The following RNF220 variants were observed in gnomAD, a reference collection of about 807,000 sequenced individuals.
RNF220 encodes the protein ring finger protein 220.
Under a neutral mutation model 67.1 loss-of-function variants are expected in RNF220, and 7 were observed. The ratio of observed to expected loss-of-function variants is 0.10; its 90% confidence interval spans 0.06 to 0.20. RNF220 has a LOEUF of 0.20. Ranked by LOEUF, RNF220 falls within the 10% of genes least tolerant of loss-of-function variation. RNF220 has a pLI of 1.00. For missense variants in RNF220, 565 were observed against 740.3 expected (o/e 0.76, Z 2.75); for synonymous variants, 270 against 283.2 (o/e 0.95, Z 0.47).
At chr1:44,415,867 TC>T (rs1441984675) in intron 2 of RNF220, among the ~76,000 whole-genome samples, 1 of 152,232 alleles carries the variant, frequency 6.6e-6, no homozygotes, top group Admixed American at 6.5e-5. Flanking sequence ...TGCAGATATG[TC>T]CACTTGTGAG....
intron 2 of RNF220, among the ~76,000 whole-genome samples, chr1:44,429,135 C>G (rs1650089903): frequency 6.6e-6 from 1 of 151,212 alleles, no homozygotes; most frequent in Non-Finnish European, 1.5e-5. Flanking sequence ...TTCTTTCCTT[C>G]CACCTCTACT....
chr1:44,498,147 G>A (rs752750410), intron 2 of RNF220, among the ~76,000 whole-genome samples: 45 of 152,148 alleles, frequency 3.0e-4, no homozygotes, highest in Non-Finnish European at 6.5e-4. Flanking sequence ...AGTGGCGAAG[G>A]TCCCTATTTC....
chr1:44,631,458 G>A (rs1288018480), intron 5 of RNF220, among the ~76,000 whole-genome samples: 2 of 152,234 alleles, frequency 1.3e-5, no homozygotes, highest in Non-Finnish European at 2.9e-5. Flanking sequence ...GAACCCAAGA[G>A]GAAGGCCTCT....
At chr1:44,496,821 G>T (rs1486901936) in intron 2 of RNF220, among the ~76,000 whole-genome samples, 3 of 152,216 alleles carry the variant, frequency 2.0e-5, no homozygotes, top group African/African-American at 7.2e-5. Flanking sequence ...AATCAAGCCA[G>T]CTCACTTGGG....
intron 2 of RNF220, among the ~76,000 whole-genome samples, chr1:44,613,487 G>A (rs1643407359): frequency 1.3e-5 from 2 of 152,254 alleles, no homozygotes; most frequent in African/African-American, 4.8e-5. Context: ...AGGTGCGGTG[G>A]CTCATGCCTG....
chr1:44,550,315 G>T (rs1662525499), intron 2 of RNF220, among the ~76,000 whole-genome samples: 1 of 152,196 alleles, frequency 6.6e-6, no homozygotes, highest in Non-Finnish European at 1.5e-5. Context: ...CAGGTGTTGG[G>T]TGGAGATGCT....
intron 2 of RNF220, among the ~76,000 whole-genome samples, chr1:44,516,513 A>C (rs1290817097): frequency 6.6e-6 from 1 of 152,208 alleles, no homozygotes; most frequent in Non-Finnish European, 1.5e-5. Flanking sequence ...CTTGTTCCTT[A>C]ATATGTTTAG....
intron 2 of RNF220, among the ~76,000 whole-genome samples, chr1:44,418,946 C>T (rs1045185941): frequency 6.6e-6 from 1 of 152,040 alleles, no homozygotes; most frequent in Non-Finnish European, 1.5e-5. Flanking sequence ...TAATAAATAT[C>T]GAAGCACACC....
At chr1:44,424,526 T>G (rs1649550729) in intron 2 of RNF220, among the ~76,000 whole-genome samples, 1 of 152,104 alleles carries the variant, frequency 6.6e-6, no homozygotes, top group Admixed American at 6.5e-5. Flanking sequence ...TGTTTGGCCT[T>G]GCAGAAAGGG....
chr1:44,560,524 A>G (rs1663485836), intron 2 of RNF220, among the ~76,000 whole-genome samples: 1 of 152,200 alleles, frequency 6.6e-6, no homozygotes, highest in Non-Finnish European at 1.5e-5. Context: ...ACAGGATCTC[A>G]TTTAATCCTC....
chr1:44,651,393 A>C lies in RNF220; in HGVS notation c.*618A>C. 1 of 158,188 alleles carries C rather than the reference A, an allele frequency of 6.3e-6. No homozygotes were observed. The highest frequency in any genetic ancestry group is 1.9e-4 in the East Asian group (1 of 5,398). 9.8% of individuals were successfully genotyped at this position (158,188 alleles called of 1,614,324 possible). ...GTGGTGTATATTTCTTCTCCCAGAC[A>C]TGGGGCACACGCCCCAAGGGACATG... is the stretch of plus-strand genomic sequence containing the variant. On this transcript the variant is annotated 3_prime_UTR_variant, in exon 15 of 15. Coordinates refer to ENST00000361799, the MANE Select transcript of RNF220 (RefSeq NM_018150.4).
At chr1:44,620,244 C>T (rs1643737836) in intron 3 of RNF220, among the ~76,000 whole-genome samples, 2 of 152,230 alleles carry the variant, frequency 1.3e-5, no homozygotes, top group Admixed American at 1.3e-4. Context: ...TGTCATTTGA[C>T]CTGGTAGTCA....
chr1:44,632,520 A>G, intron 6 of RNF220, 135 bp downstream of exon 6: 1 of 858,684 alleles, frequency 1.2e-6, no homozygotes, highest in Non-Finnish European at 1.9e-6. Context: ...ACGGCGCCTG[A>G]GTATGTGCAA....
At chr1:44,558,253 A>G (rs1365725912) in intron 2 of RNF220, among the ~76,000 whole-genome samples, 1 of 152,224 alleles carries the variant, frequency 6.6e-6, no homozygotes, top group Non-Finnish European at 1.5e-5. Context: ...AACTAAATCC[A>G]AAAGGATGCT....
chr1:44,495,226 A>G (rs1272080905), intron 2 of RNF220, among the ~76,000 whole-genome samples: 1 of 151,144 alleles, frequency 6.6e-6, no homozygotes, highest in African/African-American at 2.4e-5. Context: ...AAACAAATAA[A>G]CAAATAAAAC....
At chr1:44,575,264 A>G (rs959650503) in intron 2 of RNF220, among the ~76,000 whole-genome samples, 4 of 152,222 alleles carry the variant, frequency 2.6e-5, no homozygotes, top group Non-Finnish European at 5.9e-5. Flanking sequence ...ATCAGTGAGA[A>G]CATGCAGTAT....
chr1:44,495,817 A>C (rs1657294020), intron 2 of RNF220, among the ~76,000 whole-genome samples: 1 of 152,206 alleles, frequency 6.6e-6, no homozygotes, highest in Non-Finnish European at 1.5e-5. Flanking sequence ...CGGGAGAGCT[A>C]CAGCTCTGGG....
Position 44,645,608 on chromosome 1 carries a change from T to G in RNF220, c.1445+120T>G. The stretch of plus-strand genomic sequence containing the variant: ...CCTCCCAAGTGCAGCTCAGTGCTGC[T>G]GCCCTGGGCACACGGCCGGCAGTGG... On this transcript the variant is annotated intron_variant, in intron 12 of 14. Transcript: ENST00000361799. The surrounding 1 kb of genome is among the most constrained non-coding windows in gnomAD (Gnocchi z 5.0). 3.1e-6 allele frequency: 3 copies of G among 970,892 alleles called. No homozygotes were observed. Among genetic ancestry groups the G allele is most frequent in the Non-Finnish European group, 3.1e-6 (2 of 635,440 alleles). 60.1% of individuals were successfully genotyped at this position (970,892 alleles called of 1,614,324 possible).
intron 2 of RNF220, among the ~76,000 whole-genome samples, chr1:44,568,033 G>A (rs145824093): frequency 6.9e-4 from 105 of 152,250 alleles, no homozygotes; most frequent in African/African-American, 2.3e-3. Flanking sequence ...TCAGTGAATG[G>A]CACACAGAGA....
Sources: gnomAD v4.1 joint callset for allele counts (sites outside exome capture counted in the v4.1 genomes callset) on GRCh38, gnomAD v4.1.1 for gene constraint, Gnocchi (gnomAD v3.1) non-coding constraint, MANE v1.5 for transcripts, NCBI Gene and HGNC (gene_info 2026-07-23, HGNC 2026-07-21) for gene names.